Variants in SNAP25 observed in about 807,000 individuals in gnomAD.
SNAP25 encodes synaptosomal-associated protein 25.
Under a neutral mutation model 28.7 loss-of-function variants are expected in SNAP25, and 3 were observed. The ratio of observed to expected loss-of-function variants is 0.10; its 90% confidence interval spans 0.05 to 0.27. The LOEUF (loss-of-function observed/expected upper bound fraction) is 0.27, where lower values mean the gene tolerates loss of function less well. Among genes scored for constraint, SNAP25 ranks in the 10% least tolerant of loss-of-function variants. The pLI, the probability that SNAP25 is intolerant of heterozygous loss-of-function variation, is 1.00. For missense variants in SNAP25, 117 were observed against 278.7 expected, an observed-to-expected ratio of 0.42 and a Z score of 4.13; for synonymous variants, 61 against 88.1, an observed-to-expected ratio of 0.69 and a Z score of 1.72.
chr20:10,264,540 A>G (rs951381398), intron 1 of SNAP25, among the ~76,000 whole-genome samples: 1 of 152,244 alleles, frequency 6.6e-6, no homozygotes, highest in Non-Finnish European at 1.5e-5. Flanking sequence ...AACACATGCT[A>G]TGTTATCAGA....
intron 7 of SNAP25, among the ~76,000 whole-genome samples, chr20:10,305,631 C>T (rs1048981595): frequency 1.3e-5 from 2 of 152,172 alleles, no homozygotes; most frequent in African/African-American, 2.4e-5. Context: ...TGCTCATGCT[C>T]ATTAGCAATA....
At chr20:10,272,759 C>G (rs1244295809) in intron 1 of SNAP25, among the ~76,000 whole-genome samples, 1 of 152,162 alleles carries the variant, frequency 6.6e-6, no homozygotes, top group African/African-American at 2.4e-5. Flanking sequence ...AAGCTAACCT[C>G]ACATAAACTT....
intron 7 of SNAP25, among the ~76,000 whole-genome samples, chr20:10,305,619 C>T (rs930541214): frequency 6.6e-6 from 1 of 152,176 alleles, no homozygotes; most frequent in Non-Finnish European, 1.5e-5. Context: ...GTCCACTGTA[C>T]ATGCTCATGC....
intron 3 of SNAP25, among the ~76,000 whole-genome samples, chr20:10,278,283 A>G (rs1350354728): frequency 2.0e-5 from 3 of 152,194 alleles, no homozygotes; most frequent in Non-Finnish European, 4.4e-5. Context: ...ATAAATACAG[A>G]AGCTTTTTTA....
intron 1 of SNAP25, among the ~76,000 whole-genome samples, chr20:10,261,391 C>A (rs2063412142): frequency 6.6e-6 from 1 of 152,196 alleles, no homozygotes; most frequent in Non-Finnish European, 1.5e-5. Flanking sequence ...AAACTCAGAG[C>A]CTCTCTTTGC....
intron 1 of SNAP25, among the ~76,000 whole-genome samples, chr20:10,242,913 T>C (rs1170819943): frequency 6.6e-6 from 1 of 152,236 alleles, no homozygotes; most frequent in Admixed American, 6.5e-5. Context: ...TGATCCTGTT[T>C]CTGAGAATAA....
At chr20:10,234,809 G>A (rs928822271) in intron 1 of SNAP25, among the ~76,000 whole-genome samples, 4 of 152,124 alleles carry the variant, frequency 2.6e-5, no homozygotes, top group African/African-American at 9.7e-5. Flanking sequence ...TTCTTCCCAT[G>A]GATCCCACTG....
chr20:10,288,796 T>C (rs2063934981), intron 4 of SNAP25, among the ~76,000 whole-genome samples: 1 of 151,870 alleles, frequency 6.6e-6, no homozygotes, highest in African/African-American at 2.4e-5. Flanking sequence ...ACACATTTCA[T>C]TTATAGTATA....
chr20:10,248,000 C>T (rs978812111), intron 1 of SNAP25, among the ~76,000 whole-genome samples: 1 of 152,196 alleles, frequency 6.6e-6, no homozygotes. Flanking sequence ...TCTCTCTGTT[C>T]CACAGGGTGT....
intron 1 of SNAP25, among the ~76,000 whole-genome samples, chr20:10,246,449 A>C (rs2063129983): frequency 6.6e-6 from 1 of 152,146 alleles, no homozygotes; most frequent in South Asian, 2.1e-4. Context: ...GGAAATTTTG[A>C]CGTTTATCTA....
chr20:10,297,154 A>T (rs573874356), intron 6 of SNAP25, 104 bp downstream of exon 6: 1 of 1,346,676 alleles, frequency 7.4e-7, no homozygotes. Context: ...TTGCTCATTA[A>T]TCTACATACC....
chr20:10,227,487 C>T (rs888635818), intron 1 of SNAP25, among the ~76,000 whole-genome samples: 8 of 152,082 alleles, frequency 5.3e-5, no homozygotes, highest in Admixed American at 3.3e-4. Flanking sequence ...CAGAATAACT[C>T]AGGAATTGTT....
chr20:10,294,627 A>G (rs2064068741), intron 5 of SNAP25, among the ~76,000 whole-genome samples: 1 of 152,234 alleles, frequency 6.6e-6, no homozygotes, highest in South Asian at 2.1e-4. Flanking sequence ...TCAAGCAATC[A>G]GTATAAATGA....
At chr20:10,295,940 A>G (rs2064099051) in intron 5 of SNAP25, among the ~76,000 whole-genome samples, 2 of 151,906 alleles carry the variant, frequency 1.3e-5, no homozygotes, top group South Asian at 4.2e-4. Context: ...CTCCATTACA[A>G]CCCCAGGATA....
At chr20:10,300,345 G>A (rs955459581) in intron 7 of SNAP25, among the ~76,000 whole-genome samples, 11 of 152,132 alleles carry the variant, frequency 7.2e-5, no homozygotes, top group Non-Finnish European at 1.2e-4. Flanking sequence ...AATCAGTAGG[G>A]TCTTGAATAT....
chr20:10,222,885 A>G (rs1488363527), intron 1 of SNAP25, among the ~76,000 whole-genome samples: 1 of 152,216 alleles, frequency 6.6e-6, no homozygotes, highest in African/African-American at 2.4e-5. Flanking sequence ...ACTAAATGAA[A>G]TTATGCAAGT....
rs373615692 is a variant in SNAP25, at chr20:10,240,751, T to TG, written c.-64+21778dup. ...TGCAGACCCATCCACCTGCCTGAGT[T>TG]GGGGCCTACATGCATTGTTCTGATC... On this transcript the variant is annotated intron_variant, in intron 1 of 7. Coordinates refer to ENST00000254976, the MANE Select transcript of SNAP25 (RefSeq NM_130811.4). Among the ~76,000 whole-genome samples, 211 of 152,336 alleles carry TG rather than the reference T, an allele frequency of 1.4e-3. 1 individual carries two copies. The highest frequency in any genetic ancestry group is 4.9e-3 in the African/African-American group (204 of 41,586).
At chr20:10,240,819 G>T (rs363040) in intron 1 of SNAP25, among the ~76,000 whole-genome samples, 33,771 of 152,114 alleles carry the variant, frequency 0.22, 3,912 homozygotes, top group Middle Eastern at 0.34. Flanking sequence ...AGGAGGCTAG[G>T]CTCGCAGAGC....
intron 1 of SNAP25, among the ~76,000 whole-genome samples, chr20:10,230,464 A>G (rs2062809938): frequency 6.6e-6 from 1 of 152,128 alleles, no homozygotes. Flanking sequence ...ATGATTCATT[A>G]CTCTAGGACA....
Sources: gnomAD v4.1 joint callset for allele counts (sites outside exome capture counted in the v4.1 genomes callset) on GRCh38, gnomAD v4.1.1 for gene constraint, MANE v1.5 for transcripts, NCBI Gene and HGNC (gene_info 2026-07-23, HGNC 2026-07-21) for gene names.